The following PACSIN1 variants were observed in gnomAD, a reference collection of about 807,000 sequenced individuals.
PACSIN1 encodes protein kinase C and casein kinase substrate in neurons protein 1.
In PACSIN1, 15 loss-of-function variants were observed where a neutral mutation model predicts 59.5. The observed-to-expected ratio is 0.25, with a 90% CI of 0.17 to 0.39. The LOEUF (loss-of-function observed/expected upper bound fraction) is 0.39, where lower values mean the gene tolerates loss of function less well. Ranked by LOEUF, PACSIN1 falls within the 10% of genes least tolerant of loss-of-function variation. The pLI is 1.00. For missense variants in PACSIN1, 420 were observed against 580.2 expected, an observed-to-expected ratio of 0.72 and a Z score of 2.84; for synonymous variants, 210 against 220.6, an observed-to-expected ratio of 0.95 and a Z score of 0.42.
At chr6:34,495,001 G>A (rs945357428) in intron 1 of PACSIN1, among the ~76,000 whole-genome samples, 3 of 152,122 alleles carry the variant, frequency 2.0e-5, no homozygotes, top group Non-Finnish European at 4.4e-5. Flanking sequence ...ATTTGGCTCA[G>A]TTCAAGGCGC....
Position 34,528,672 on chromosome 6 carries a change from G to A in PACSIN1, c.251G>A (p.Trp84Ter). 6.2e-7 allele frequency: 1 copy of A among 1,613,954 alleles called. No individual in the cohort carries two copies. The highest frequency in any genetic ancestry group is 8.5e-7 in the Non-Finnish European group (1 of 1,179,978). ...GPQYGSLERA[W>*]GAIMTEADKV... ...CAGTATGGCAGCCTGGAGCGGGCCT[G>A]GGGTGCCATAATGACAGAGGCAGAC... Residue 84 changes from tryptophan (W) to a stop codon, truncating the protein, a stop_gained, in exon 4 of 10, where the codon TGG (tryptophan) becomes TAG (stop). Transcript: ENST00000244458. LOFTEE classifies it high-confidence loss of function.
chr6:34,473,513 C>T (rs1766599983), intron 1 of PACSIN1, among the ~76,000 whole-genome samples: 1 of 152,154 alleles, frequency 6.6e-6, no homozygotes, highest in African/African-American at 2.4e-5. Context: ...TCTGGGCCTT[C>T]CCTGAGGTCA....
At chr6:34,468,153 G>T (rs1766524164) in intron 1 of PACSIN1, among the ~76,000 whole-genome samples, 1 of 152,220 alleles carries the variant, frequency 6.6e-6, no homozygotes, top group African/African-American at 2.4e-5. Context: ...AGCCTCTAAG[G>T]TCTTCATAGC....
intron 1 of PACSIN1, among the ~76,000 whole-genome samples, chr6:34,468,878 C>A (rs1254531186): frequency 1.9e-5 from 2 of 107,844 alleles, no homozygotes; most frequent in Non-Finnish European, 3.7e-5. Context: ...ACAGAGTAGA[C>A]CCAGCTCTGG....
chr6:34,527,524 G>T, intron 3 of PACSIN1, 36 bp downstream of exon 3: 1 of 1,539,688 alleles, frequency 6.5e-7, no homozygotes, highest in Non-Finnish European at 8.7e-7. Flanking sequence ...GCGCCCCCAG[G>T]CCGTCACGAG....
intron 1 of PACSIN1, among the ~76,000 whole-genome samples, chr6:34,523,939 T>C (rs2127271435): frequency 6.6e-6 from 1 of 152,290 alleles, no homozygotes; most frequent in Admixed American, 6.5e-5. Flanking sequence ...GGCTGGACAC[T>C]CACCACCTCA....
chr6:34,490,830 T>C (rs1581964653), intron 1 of PACSIN1, among the ~76,000 whole-genome samples: 1 of 152,198 alleles, frequency 6.6e-6, no homozygotes, highest in Non-Finnish European at 1.5e-5. Context: ...ACGGCAGCCC[T>C]GGCGTTTCTG....
chr6:34,491,913 C>T (rs1766883461), intron 1 of PACSIN1, among the ~76,000 whole-genome samples: 1 of 152,066 alleles, frequency 6.6e-6, no homozygotes, highest in South Asian at 2.1e-4. Context: ...CGCCCGGCCC[C>T]CACATTTTCT....
chr6:34,494,159 C>T (rs964754094), intron 1 of PACSIN1, among the ~76,000 whole-genome samples: 6 of 152,150 alleles, frequency 3.9e-5, no homozygotes, highest in African/African-American at 1.4e-4. Context: ...TTTTATTGGC[C>T]TATCTTACCC....
intron 1 of PACSIN1, among the ~76,000 whole-genome samples, chr6:34,493,430 C>T (rs547670805): frequency 6.6e-6 from 1 of 152,314 alleles, no homozygotes; most frequent in East Asian, 1.9e-4. Context: ...GTAAACCCAA[C>T]GGTGGAAGTG....
At chr6:34,498,911 G>T (rs550235016) in intron 1 of PACSIN1, among the ~76,000 whole-genome samples, 2 of 152,078 alleles carry the variant, frequency 1.3e-5, no homozygotes, top group African/African-American at 4.8e-5. Context: ...TTTTGGCACC[G>T]GGGACTGGTT....
chr6:34,474,983 G>GCCTA (rs1766618860), intron 1 of PACSIN1, among the ~76,000 whole-genome samples: 1 of 151,924 alleles, frequency 6.6e-6, no homozygotes, highest in Non-Finnish European at 1.5e-5. Context: ...TTCCCCAAAG[G>GCCTA]CCTACATGGC....
rs1166430246 is a variant in PACSIN1 at position 34,514,486 on chromosome 6, T to G, written c.-63-11757T>G. 6.6e-6 allele frequency among the ~76,000 whole-genome samples: 1 copy of G among 152,080 alleles called. No homozygotes were observed. The highest frequency in any genetic ancestry group is 2.4e-5 in the African/African-American group (1 of 41,396). The stretch of plus-strand genomic sequence containing the variant: ...AAATGATTAAACAAATAGAAATGCT[T>G]CACCCAGCAGCAAGCGCTTAGATTT... On this transcript the variant is annotated intron_variant, in intron 1 of 9. Coordinates refer to ENST00000244458, the MANE Select transcript of PACSIN1 (RefSeq NM_020804.5). This position sits in a 1 kb window ranked among gnomAD's most constrained non-coding sequence, Gnocchi z 4.4.
chr6:34,508,766 A>G lies in PACSIN1; in HGVS notation c.-63-17477A>G, dbSNP rs193204493. Among the ~76,000 whole-genome samples, 27 of 152,260 alleles carry G rather than the reference A, an allele frequency of 1.8e-4. No individual in the cohort carries two copies. In the East Asian group the frequency reaches 5.0e-3, roughly 28 times the overall value. On this transcript the variant is annotated intron_variant, in intron 1 of 9. Coordinates refer to ENST00000244458, the MANE Select transcript of PACSIN1 (RefSeq NM_020804.5). ...TTGTGGTTTTGATTTGCCTTTCCAC[A>G]ATGATTAGTGATGTTGAGCATTTTT...
intron 1 of PACSIN1, among the ~76,000 whole-genome samples, chr6:34,501,041 A>C (rs775102295): frequency 6.6e-6 from 1 of 152,244 alleles, no homozygotes; most frequent in Non-Finnish European, 1.5e-5. Context: ...AGCTGTTTTC[A>C]TCTTCTATTT....
chr6:34,528,596 T>C, intron 3 of PACSIN1, 46 bp from the exon 4 acceptor site: 1 of 1,433,390 alleles, frequency 7.0e-7, no homozygotes, highest in Non-Finnish European at 9.8e-7. Flanking sequence ...GGGGGGCCTC[T>C]GGGCAGGGGC....
intron 1 of PACSIN1, among the ~76,000 whole-genome samples, chr6:34,508,659 A>G (rs1259933965): frequency 6.6e-6 from 1 of 152,180 alleles, no homozygotes; most frequent in Non-Finnish European, 1.5e-5. Flanking sequence ...GTTCAAATTT[A>G]TCCACATCCT....
At chr6:34,469,362 T>A (rs750919698) in intron 1 of PACSIN1, among the ~76,000 whole-genome samples, 33 of 152,098 alleles carry the variant, frequency 2.2e-4, no homozygotes, top group Non-Finnish European at 4.6e-4. Flanking sequence ...GGGCACTTCG[T>A]AACTGATTTC....
Position 34,530,799 on chromosome 6 carries a change from G to A in PACSIN1, c.1037+212G>A, listed in dbSNP as rs888953347. Among the ~76,000 whole-genome samples, 6 of 152,218 alleles carry A rather than the reference G, an allele frequency of 3.9e-5. No homozygotes were observed. Among genetic ancestry groups the A allele is most frequent in the African/African-American group, 1.4e-4 (6 of 41,442 alleles). ...TGGAAGACAATTTTTCCACGGATGG[G>A]AGCGGGGTGGTTTTCGGATGAAACT... is the stretch of plus-strand genomic sequence containing the variant. On this transcript the variant is annotated intron_variant, in intron 8 of 9. Transcript: ENST00000244458. This position sits in a 1 kb window ranked among gnomAD's most constrained non-coding sequence, Gnocchi z 4.4.
Sources: gnomAD v4.1 joint callset for allele counts (sites outside exome capture counted in the v4.1 genomes callset) on GRCh38, gnomAD v4.1.1 for gene constraint, Gnocchi (gnomAD v3.1) non-coding constraint, MANE v1.5 for transcripts, NCBI Gene and HGNC (gene_info 2026-07-23, HGNC 2026-07-21) for gene names.